CAMKMT: variants seen among roughly 807,000 people sequenced by gnomAD.
The protein encoded by CAMKMT is calmodulin-lysine N-methyltransferase, also known as CaM KMT.
Under a neutral mutation model 48.0 loss-of-function variants are expected in CAMKMT, and 53 were observed. That is an observed-to-expected ratio of 1.10 (90% CI 0.89 to 1.39). The LOEUF (loss-of-function observed/expected upper bound fraction) is 1.39. CAMKMT is among the 40% of genes most tolerant of loss of function. The pLI, the probability that CAMKMT is intolerant of heterozygous loss-of-function variation, is 0.00. For missense variants in CAMKMT, 428 were observed against 402.7 expected (o/e 1.06, Z -0.54); for synonymous variants, 165 against 152.3 (o/e 1.08, Z -0.61).
intron 2 of CAMKMT, among the ~76,000 whole-genome samples, chr2:44,376,419 CA>C (rs567674110): frequency 0.16 from 16,485 of 104,734 alleles, 1,223 homozygotes; most frequent in African/African-American, 0.28. Context: ...GACTCTGTAT[CA>C]AAAAAAAAAA....
At chr2:44,771,240 T>C (rs539450364) in intron 10 of CAMKMT, among the ~76,000 whole-genome samples, 36 of 152,284 alleles carry the variant, frequency 2.4e-4, no homozygotes, top group African/African-American at 8.4e-4. Flanking sequence ...TTTATTCTTA[T>C]AATCTAAAAA....
In CAMKMT at chr2:44,644,047, G is replaced by A. The variant is rs140183744; in HGVS notation, c.377-60236G>A. 1.6e-3 allele frequency among the ~76,000 whole-genome samples: 251 copies of A among 152,246 alleles called. 1 individual carries two copies. Among genetic ancestry groups the A allele is most frequent in the African/African-American group, 5.7e-3 (238 of 41,544 alleles). ...ATATTTCTTCATTTTAAGTCAAAGC[G>A]TAAATGTAGGCAGAGATGTTTTTAA... On this transcript the variant is annotated intron_variant, in intron 3 of 10. Transcript: ENST00000378494.
At chr2:44,697,651 A>C (rs1489040512) in intron 3 of CAMKMT, among the ~76,000 whole-genome samples, 1 of 152,176 alleles carries the variant, frequency 6.6e-6, no homozygotes, top group Non-Finnish European at 1.5e-5. Context: ...AATAAAATCA[A>C]CTGGGGAGTG....
chr2:44,577,964 A>G (rs1669326341), intron 3 of CAMKMT, among the ~76,000 whole-genome samples: 1 of 152,320 alleles, frequency 6.6e-6, no homozygotes, highest in South Asian at 2.1e-4. Context: ...TTCTTCATCC[A>G]AAAAGTATAA....
At chr2:44,590,724 G>A (rs1337759448) in intron 3 of CAMKMT, among the ~76,000 whole-genome samples, 1 of 152,140 alleles carries the variant, frequency 6.6e-6, no homozygotes, top group Non-Finnish European at 1.5e-5. Flanking sequence ...TCTGATGGTA[G>A]TTTCTTTTGC....
chr2:44,732,217 G>C (rs1361900616), intron 7 of CAMKMT, among the ~76,000 whole-genome samples: 4 of 152,140 alleles, frequency 2.6e-5, no homozygotes, highest in African/African-American at 9.7e-5. Flanking sequence ...GCCTTTCAAA[G>C]TGCTGGGATT....
Position 44,421,775 on chromosome 2 carries a change from T to C in CAMKMT, c.376+31470T>C, listed in dbSNP as rs111945243. Among the ~76,000 whole-genome samples the C allele has an allele frequency of 1.5e-4, 23 of 152,170 alleles. 1 individual carries two copies. The highest frequency in any genetic ancestry group is 4.1e-4 in the South Asian group (2 of 4,830). ...TTATGGTTTTTAGAACAACAATGGA[T>C]AAGAATGTTTTAAAGATTTAGGAAT... On this transcript the variant is annotated intron_variant, in intron 3 of 10. Transcript: ENST00000378494.
At chr2:44,749,967 C>T (rs2104383985) in intron 8 of CAMKMT, among the ~76,000 whole-genome samples, 1 of 152,196 alleles carries the variant, frequency 6.6e-6, no homozygotes, top group East Asian at 1.9e-4. Flanking sequence ...TACTTAGGCC[C>T]CTCATGGAGA....
At chr2:44,400,508 A>T (rs1255584850) in intron 3 of CAMKMT, among the ~76,000 whole-genome samples, 1 of 152,202 alleles carries the variant, frequency 6.6e-6, no homozygotes, top group Non-Finnish European at 1.5e-5. Flanking sequence ...GAAGCATTTA[A>T]GATGTTAAAC....
chr2:44,601,801 CT>C (rs529325066), intron 3 of CAMKMT, among the ~76,000 whole-genome samples: 67 of 151,824 alleles, frequency 4.4e-4, no homozygotes, highest in Admixed American at 7.9e-4. Context: ...CTCTTAATTA[CT>C]TTTTAATTTT....
chr2:44,466,988 C>T (rs934197128), intron 3 of CAMKMT, among the ~76,000 whole-genome samples: 8 of 152,180 alleles, frequency 5.3e-5, no homozygotes, highest in African/African-American at 1.9e-4. Context: ...CGGTGGCTCA[C>T]ACCTGTAATC....
intron 3 of CAMKMT, among the ~76,000 whole-genome samples, chr2:44,637,419 C>T (rs893004892): frequency 2.0e-5 from 3 of 152,006 alleles, no homozygotes; most frequent in African/African-American, 7.3e-5. Flanking sequence ...TTTTTATTAT[C>T]CATTTTTTAA....
chr2:44,482,373 T>C (rs73924778), intron 3 of CAMKMT, among the ~76,000 whole-genome samples: 4,461 of 152,198 alleles, frequency 0.029, 214 homozygotes, highest in African/African-American at 0.1. Context: ...TTCCAAAAAT[T>C]CTTCAGGAGG....
intron 3 of CAMKMT, among the ~76,000 whole-genome samples, chr2:44,395,769 C>T (rs1026727899): frequency 2.0e-5 from 3 of 152,100 alleles, no homozygotes; most frequent in Admixed American, 2.0e-4. Context: ...TCATCTGCCT[C>T]ATTCTTGAAT....
At chr2:44,434,675 T>G (rs533056037) in intron 3 of CAMKMT, among the ~76,000 whole-genome samples, 1 of 152,298 alleles carries the variant, frequency 6.6e-6, no homozygotes, top group East Asian at 1.9e-4. Context: ...TTTGTGTGTG[T>G]GTGTATGTGT....
chr2:44,679,312 A>G (rs992680187), intron 3 of CAMKMT, among the ~76,000 whole-genome samples: 10 of 152,220 alleles, frequency 6.6e-5, no homozygotes, highest in African/African-American at 2.4e-4. Context: ...TATATTTGAT[A>G]TTGGACTGCA....
At chr2:44,619,106 T>G (rs912700963) in intron 3 of CAMKMT, among the ~76,000 whole-genome samples, 2 of 152,190 alleles carry the variant, frequency 1.3e-5, no homozygotes, top group African/African-American at 4.8e-5. Flanking sequence ...ATAGATGTAG[T>G]ACTAATACAC....
At chr2:44,391,343 A>G (rs1681320355) in intron 3 of CAMKMT, among the ~76,000 whole-genome samples, 1 of 152,156 alleles carries the variant, frequency 6.6e-6, no homozygotes, top group Admixed American at 6.5e-5. Flanking sequence ...TTTTATGGAT[A>G]GTGACTGATG....
At chr2:44,643,190 G>A (rs1673541732) in intron 3 of CAMKMT, among the ~76,000 whole-genome samples, 1 of 152,054 alleles carries the variant, frequency 6.6e-6, no homozygotes, top group Admixed American at 6.6e-5. Flanking sequence ...TAAAAGTTTG[G>A]CTACTTAATA....
Sources: gnomAD v4.1 joint callset for allele counts (sites outside exome capture counted in the v4.1 genomes callset) on GRCh38, gnomAD v4.1.1 for gene constraint, MANE v1.5 for transcripts, NCBI Gene and HGNC (gene_info 2026-07-23, HGNC 2026-07-21) for gene names.